EIF4ENIF1: variants seen among roughly 807,000 people sequenced by gnomAD.
EIF4ENIF1 encodes the protein eukaryotic translation initiation factor 4E transporter.
A neutral mutation model predicts 110.5 loss-of-function variants in EIF4ENIF1; 23 were observed. The ratio of observed to expected loss-of-function variants is 0.21; its 90% CI spans 0.15 to 0.29. EIF4ENIF1 has a LOEUF of 0.29. Ranked by LOEUF, EIF4ENIF1 falls within the 10% of genes least tolerant of loss-of-function variation. EIF4ENIF1 has a pLI of 1.00. For missense variants in EIF4ENIF1, 1,031 were observed against 1,221.1 expected, an observed-to-expected ratio of 0.84 and a Z score of 2.32; for synonymous variants, 440 against 437.0, an observed-to-expected ratio of 1.01 and a Z score of -0.09.
chr22:31,443,945 C>T (rs1190455270), intron 15 of EIF4ENIF1, among the ~76,000 whole-genome samples: 1 of 151,766 alleles, frequency 6.6e-6, no homozygotes, highest in East Asian at 1.9e-4. Context: ...CACAGATGTG[C>T]ACCACCATGC....
chr22:31,449,638 C>G (rs2050587238), intron 11 of EIF4ENIF1, 107 bp from the exon 12 acceptor site: 1 of 997,152 alleles, frequency 1.0e-6, no homozygotes, highest in African/African-American at 1.6e-5. Context: ...CTCCCTCATG[C>G]TCAACTGAAG....
chr22:31,444,361 G>C, intron 15 of EIF4ENIF1: 1 of 426,388 alleles, frequency 2.3e-6, no homozygotes, highest in South Asian at 2.4e-5. Flanking sequence ...ATCACCTCGT[G>C]TGCCCTGGCC....
chr22:31,488,261 G>A (rs1447015999), intron 2 of EIF4ENIF1, among the ~76,000 whole-genome samples: 1 of 152,028 alleles, frequency 6.6e-6, no homozygotes, highest in African/African-American at 2.4e-5. Flanking sequence ...TCAATACAGA[G>A]GACACTAACT....
intron 14 of EIF4ENIF1, among the ~76,000 whole-genome samples, chr22:31,446,329 C>T (rs894198046): frequency 2.1e-5 from 3 of 142,754 alleles, no homozygotes; most frequent in African/African-American, 7.8e-5. Context: ...TCACAAATCA[C>T]ATCAATGAAT....
intron 2 of EIF4ENIF1, among the ~76,000 whole-genome samples, chr22:31,484,844 T>A (rs1206285979): frequency 6.6e-6 from 1 of 152,156 alleles, no homozygotes. Flanking sequence ...AAATCACCAG[T>A]GAAAACAGTT....
chr22:31,446,858 A>G (rs1287338224), intron 14 of EIF4ENIF1: 1 of 291,118 alleles, frequency 3.4e-6, no homozygotes, highest in Non-Finnish European at 7.2e-6. Context: ...GATTAATTTC[A>G]TTTTACCATT....
chr22:31,447,200 C>T (rs1288115759), intron 14 of EIF4ENIF1, among the ~76,000 whole-genome samples: 1 of 152,076 alleles, frequency 6.6e-6, no homozygotes, highest in Non-Finnish European at 1.5e-5. Context: ...AAATCAAGAA[C>T]GGAAATAAAA....
At chr22:31,452,162 CA>C (rs2050694135) in intron 10 of EIF4ENIF1, among the ~76,000 whole-genome samples, 1 of 151,954 alleles carries the variant, frequency 6.6e-6, no homozygotes, top group Non-Finnish European at 1.5e-5. Flanking sequence ...TTGGATGAAC[CA>C]ATATGACAAC....
At chr22:31,466,281 C>T (rs1350093054) in intron 4 of EIF4ENIF1, among the ~76,000 whole-genome samples, 5 of 152,274 alleles carry the variant, frequency 3.3e-5, no homozygotes, top group Admixed American at 6.5e-5. Context: ...GGCATGGTGG[C>T]GCACGCCTAT....
chr22:31,478,490 T>C (rs1354030387), intron 2 of EIF4ENIF1, among the ~76,000 whole-genome samples: 2 of 124,382 alleles, frequency 1.6e-5, no homozygotes, highest in East Asian at 5.0e-4. Flanking sequence ...CACTACAGCA[T>C]GGGTGACAGA....
intron 7 of EIF4ENIF1, among the ~76,000 whole-genome samples, chr22:31,456,894 C>T (rs1382649460): frequency 6.6e-6 from 1 of 152,208 alleles, no homozygotes; most frequent in Non-Finnish European, 1.5e-5. Context: ...AGTAAATCCA[C>T]GTACTACCAA....
rs868206295 is a variant in EIF4ENIF1 at position 31,477,377 on chromosome 22, A to C, written c.97-5460T>G. On this transcript the variant is annotated intron_variant, in intron 2 of 18. Coordinates refer to ENST00000330125, the MANE Select transcript of EIF4ENIF1 (RefSeq NM_019843.4). ...GTCTCCAAAAAAAAAAAAAAAAACA[A>C]AAAAAACAAAAAAAGAGAATTTGAA... Among the ~76,000 whole-genome samples the C allele has an allele frequency of 2.7e-5, 4 of 146,672 alleles. No homozygotes were observed. In the South Asian group the frequency reaches 6.5e-4, roughly 24 times the overall value.
chr22:31,471,867 T>G lies in EIF4ENIF1; in HGVS notation c.147A>C (p.Ser49=), dbSNP rs781773317. 3 of 1,607,598 alleles carry G rather than the reference T, an allele frequency of 1.9e-6. No homozygotes were observed. The highest frequency in any genetic ancestry group is 2.2e-5 in the South Asian group (2 of 89,154). ...ACCTGTCATATTTTTCAGAAAGGCATGAAGGCCTCTGTTTGGAATGGGGGA... is the reference window on the plus strand; with the variant it reads ...ACCTGTCATATTTTTCAGAAAGGCAGGAAGGCCTCTGTTTGGAATGGGGGA... ...KELPHSKQRP[S]CLSEKYDSDG... is the part of the protein sequence containing the mutation. Residue 49 remains serine, a synonymous_variant, in exon 3 of 19, where the codon TCA becomes TCC. Coordinates refer to ENST00000330125, the MANE Select transcript of EIF4ENIF1 (RefSeq NM_019843.4).
chr22:31,440,231 A>G, intron 18 of EIF4ENIF1, 110 bp from the exon 19 acceptor site: 1 of 1,502,824 alleles, frequency 6.7e-7, no homozygotes, highest in African/African-American at 1.4e-5. Context: ...GATTTTTTCT[A>G]GGGCTTCTTT....
At chr22:31,438,535 A>G (rs920723535), downstream of EIF4ENIF1, among the ~76,000 whole-genome samples, 3 of 152,172 alleles carry the variant, frequency 2.0e-5, no homozygotes, top group Admixed American at 6.5e-5. Context: ...TATGTAATAG[A>G]TGATTCCTCA....
intron 2 of EIF4ENIF1, among the ~76,000 whole-genome samples, chr22:31,476,345 C>T (rs1273027895): frequency 6.6e-6 from 1 of 152,180 alleles, no homozygotes; most frequent in East Asian, 1.9e-4. Context: ...ATTACCACTA[C>T]AGCTGTTTGC....
At chr22:31,466,362 G>A (rs929438559) in intron 4 of EIF4ENIF1, among the ~76,000 whole-genome samples, 11 of 151,846 alleles carry the variant, frequency 7.2e-5, no homozygotes, top group Middle Eastern at 3.4e-3. Flanking sequence ...GCAGTGAGCC[G>A]AGATCGCGCC....
At chr22:31,477,085 C>T (rs1054466308) in intron 2 of EIF4ENIF1, among the ~76,000 whole-genome samples, 17 of 151,090 alleles carry the variant, frequency 1.1e-4, no homozygotes, top group Non-Finnish European at 8.8e-5. Flanking sequence ...ATTGTACCAC[C>T]GCGCTCTAGC....
chr22:31,448,941 A>AT (rs2145921469), intron 12 of EIF4ENIF1, among the ~76,000 whole-genome samples: 1 of 152,356 alleles, frequency 6.6e-6, no homozygotes, highest in East Asian at 1.9e-4. Flanking sequence ...AAAAAAATCT[A>AT]TAACATGAAC....
Sources: allele counts gnomAD v4.1 joint callset (sites outside exome capture counted in the v4.1 genomes callset), GRCh38; gene constraint gnomAD v4.1.1; transcripts MANE v1.5; gene names NCBI Gene and HGNC (gene_info 2026-07-23, HGNC 2026-07-21).